Variants in PIGS observed in about 807,000 individuals in gnomAD.
The protein encoded by PIGS is phosphatidylinositol glycan anchor biosynthesis class S, also known as GPI-anchor transamidase component PIGS.
Under a neutral mutation model 58.2 loss-of-function variants are expected in PIGS, and 37 were observed. The ratio of observed to expected loss-of-function variants is 0.64; its 90% CI spans 0.49 to 0.84. PIGS has a LOEUF of 0.84. Ranked by LOEUF, PIGS falls within the 40% of genes least tolerant of loss-of-function variation. The pLI, the probability that PIGS is intolerant of heterozygous loss-of-function variation, is 0.00. For missense variants in PIGS, 629 were observed against 710.8 expected (o/e 0.88, Z 1.31); for synonymous variants, 269 against 289.2 (o/e 0.93, Z 0.71).
rs115136725 is a variant in PIGS, at chr17:28,563,454, C to T, written c.445G>A (p.Glu149Lys). 3.2e-5 allele frequency: 51 copies of T among 1,614,122 alleles called. No individual in the cohort carries two copies. The African/African-American group carries it at 6.5e-4, about 21-fold the overall frequency. ...ACCTGGGGAAGAAGTGAGGAGTGTT[C>T]AGATATCACGTACACAGTCAGGGAG... ...EGSLTVYVIS[E>K]HSSLLPQDMM... Residue 149 changes from glutamate (E) to lysine (K), a missense_variant, in exon 5 of 12, where the codon GAA becomes AAA. By Grantham distance (56) the Glu-to-Lys change is moderately conservative (BLOSUM62 1). Transcript: ENST00000308360.
intron 3 of PIGS, among the ~76,000 whole-genome samples, chr17:28,564,973 T>C (rs1311523876): frequency 6.6e-6 from 1 of 152,258 alleles, no homozygotes. Flanking sequence ...TGCTATCTCC[T>C]CTATTCTCAT....
chr17:28,563,530 C>A lies in PIGS; in HGVS notation c.377-8G>T, dbSNP rs1240392907. ...CTAACATGGCTTCTGCCTCTGGGGG[C>A]AAGAACAGGTGGTACACCAAGAGCA... On this transcript the variant is annotated splice_region_variant and splice_polypyrimidine_tract_variant and intron_variant, in intron 4 of 11. Transcript: ENST00000308360. The A allele has an allele frequency of 1.2e-6, 2 of 1,612,862 alleles. No individual in the cohort carries two copies. Among genetic ancestry groups the A allele is most frequent in the African/African-American group, 1.3e-5 (1 of 74,872 alleles).
At position 28,563,450 on chromosome 17, in the gene PIGS, T is replaced by C. The variant is rs756456961; in HGVS notation, c.449A>G (p.His150Arg). 29 of 1,613,402 alleles carry C rather than the reference T, an allele frequency of 1.8e-5. No individual in the cohort carries two copies. The African/African-American group carries it at 2.4e-4, about 13-fold the overall frequency. The stretch of plus-strand genomic sequence containing the variant: ...CCTTACCTGGGGAAGAAGTGAGGAG[T>C]GTTCAGATATCACGTACACAGTCAG... ...GSLTVYVISE[H>R]SSLLPQDMMS... The change falls in exon 5 of 12, where the codon CAC becomes CGC. Residue 150 changes from histidine to arginine, a missense_variant. His to Arg is a conservative substitution (Grantham distance 29). Transcript: ENST00000308360.
Position 28,571,121 on chromosome 17 carries a change from G to T in PIGS, c.102C>A (p.Leu34=), listed in dbSNP as rs772310744. The T allele has an allele frequency of 6.2e-7, 1 of 1,613,984 alleles. No homozygotes were observed. The highest frequency in any genetic ancestry group is 1.7e-5 in the Admixed American group (1 of 60,028). ...GGTAGGTCTCCGTGGTCTTCCACCA[G>T]AGCGGTAGCCCCAGCACGATGGCCA... ...AAVAIVLGLP[L]WWKTTETYRA... The change falls in exon 2 of 12, where the codon CTC becomes CTA. Residue 34 remains leucine (L), a synonymous_variant. Coordinates refer to ENST00000308360, the MANE Select transcript of PIGS (RefSeq NM_033198.4).
rs2070327141 is a variant in PIGS, at chr17:28,556,250, G to T, written c.1097C>A (p.Ser366Tyr). The change falls in exon 10 of 12, where the codon TCC (serine) becomes TAC (tyrosine). Residue 366 changes from serine to tyrosine, a missense_variant. Transcript: ENST00000308360. The stretch of plus-strand genomic sequence containing the variant: ...CAGCACTGAGGCATTATAGGTTTTG[G>T]AGTCAACATTATATACCTGAAAGGG... The part of the protein sequence containing the change: ...WGGIMVYNVD[S>Y]KTYNASVLPV... 1.2e-6 allele frequency: 2 copies of T among 1,611,538 alleles called. No homozygotes were observed. The highest frequency in any genetic ancestry group is 1.7e-6 in the Non-Finnish European group (2 of 1,177,750).
chr17:28,565,847 T>C (rs1234900174), intron 3 of PIGS, among the ~76,000 whole-genome samples: 1 of 152,128 alleles, frequency 6.6e-6, no homozygotes, highest in Non-Finnish European at 1.5e-5. Context: ...CTGGCCACCA[T>C]GGTGAAACCC....
At chr17:28,557,625 C>T (rs772260762) in intron 8 of PIGS, 1 of 152,376 alleles carries the variant, frequency 6.6e-6, no homozygotes, top group Non-Finnish European at 1.5e-5. Context: ...TCTAAGGCCT[C>T]ACATGCCACC....
At chr17:28,558,439 T>C in intron 8 of PIGS, 37 bp downstream of exon 8, 2 of 1,530,244 alleles carry the variant, frequency 1.3e-6, no homozygotes, top group Non-Finnish European at 9.0e-7. Flanking sequence ...CTCCCTAGCC[T>C]GGCAGAAAAG....
chr17:28,553,818 C>G lies in PIGS; in HGVS notation c.*402G>C, dbSNP rs566720115. On this transcript the variant is annotated 3_prime_UTR_variant, in exon 12 of 12. Transcript: ENST00000308360. ...CCCTTCATGACAGCAGGGGCTAGGG[C>G]TGTCCCACAGGGACTAGAGAGAGGT... is the stretch of plus-strand genomic sequence containing the variant. 4.5e-6 allele frequency: 1 copy of G among 224,186 alleles called. No individual in the cohort carries two copies. Among genetic ancestry groups the G allele is most frequent in the African/African-American group, 2.3e-5 (1 of 43,322 alleles). The allele number at this position is 224,186 out of a possible 1,614,324, so 13.9% of individuals were successfully genotyped here.
Position 28,554,030 on chromosome 17 carries a change from C to A in PIGS, c.*190G>T. On this transcript the variant is annotated 3_prime_UTR_variant, in exon 12 of 12. Coordinates refer to ENST00000308360, the MANE Select transcript of PIGS (RefSeq NM_033198.4). ...CCCCTGGTGGTGGAGGAGGATTGAG[C>A]CAGGTGAATGGGAAAGGAAGAAAAG... 1.4e-6 allele frequency: 1 copy of A among 700,030 alleles called. No homozygotes were observed. Among genetic ancestry groups the A allele is most frequent in the East Asian group, 2.8e-5 (1 of 35,764 alleles). The allele number at this position is 700,030 out of a possible 1,614,324, so 43.4% of individuals were successfully genotyped here.
intron 9 of PIGS, 118 bp from the exon 10 acceptor site, chr17:28,556,384 A>C: frequency 2.6e-5 from 21 of 800,526 alleles, no homozygotes; most frequent in Non-Finnish European, 4.3e-5. Context: ...TATAAACCTC[A>C]TGGTATAGCT....
chr17:28,567,414 G>A (rs1265470883), intron 3 of PIGS, among the ~76,000 whole-genome samples: 1 of 152,096 alleles, frequency 6.6e-6, no homozygotes, highest in African/African-American at 2.4e-5. Flanking sequence ...TAAAACAAAT[G>A]ACCTGGTTTC....
In PIGS at chr17:28,570,835, G is replaced by A. The variant is rs555110337; in HGVS notation, c.286+17C>T. 2 of 1,613,180 alleles carry A rather than the reference G, an allele frequency of 1.2e-6. No individual in the cohort carries two copies. Among genetic ancestry groups the A allele is most frequent in the African/African-American group, 1.3e-5 (1 of 75,022 alleles). On this transcript the variant is annotated intron_variant, in intron 3 of 11. Transcript: ENST00000308360. ...GAGCTCAGAGGCGAAAAGCAGCCCT[G>A]ATCCCCAGTAACTCACATTTCAGAG... is the stretch of plus-strand genomic sequence containing the variant.
chr17:28,563,325 C>T, intron 5 of PIGS, 106 bp downstream of exon 5: 3 of 1,006,466 alleles, frequency 3.0e-6, no homozygotes, highest in Non-Finnish European at 3.0e-6. Flanking sequence ...GGAGAGTTTT[C>T]TGTAGCAAAT....
At position 28,556,176 on chromosome 17, in the gene PIGS, C is replaced by G. The variant is rs770193666; in HGVS notation, c.1171G>C (p.Ala391Pro). The change falls in exon 10 of 12, where the codon GCA becomes CCA. Residue 391 changes from alanine (A) to proline (P), a missense_variant. By Grantham distance (27) the Ala-to-Pro change is conservative. Coordinates refer to ENST00000308360, the MANE Select transcript of PIGS (RefSeq NM_033198.4). ...CATCCAGGACCTCACCGCAACTGTG[C>G]CAGGAACACCTCCATCACTCGCACC... The part of the protein sequence containing the change: ...DMVRVMEVFL[A>P]QLRLLFGIAQ... 2 of 1,613,094 alleles carry G rather than the reference C, an allele frequency of 1.2e-6. No individual in the cohort carries two copies. Among genetic ancestry groups the G allele is most frequent in the African/African-American group, 2.7e-5 (2 of 74,864 alleles).
chr17:28,563,724 T>C, intron 4 of PIGS, 94 bp downstream of exon 4: 1 of 1,392,636 alleles, frequency 7.2e-7, no homozygotes, highest in South Asian at 1.2e-5. Context: ...AGAGAGGTTT[T>C]GGAAGTAAGC....
intron 1 of PIGS, 21 bp downstream of exon 1, chr17:28,571,442 C>A: frequency 6.2e-7 from 1 of 1,609,488 alleles, no homozygotes; most frequent in East Asian, 2.2e-5. Flanking sequence ...CTGCAGGCCC[C>A]CCACCCGAAG....
In PIGS at chr17:28,554,974, T is replaced by G. The variant is rs368504220; in HGVS notation, c.1269A>C (p.Leu423=). 4.3e-6 allele frequency: 7 copies of G among 1,611,638 alleles called. No individual in the cohort carries two copies. The highest frequency in any genetic ancestry group is 5.9e-6 in the Non-Finnish European group (7 of 1,178,668). ...CTGACCGAGCCCAGAGCAGCCGGTC[T>G]AGCTCCCAGGTCATTAGCCCTTCAC... The part of the protein sequence containing the change: ...PTSEGLMTWE[L]DRLLWARSVE... The change falls in exon 11 of 12, where the codon CTA becomes CTC. Residue 423 remains leucine, a synonymous_variant. Coordinates refer to ENST00000308360, the MANE Select transcript of PIGS (RefSeq NM_033198.4).
intron 3 of PIGS, among the ~76,000 whole-genome samples, chr17:28,568,179 T>C (rs1049326378): frequency 6.6e-6 from 1 of 152,098 alleles, no homozygotes; most frequent in Admixed American, 6.6e-5. Context: ...CTTGGCTCAC[T>C]GCAACTTCCA....
Sources: gnomAD v4.1 joint callset for allele counts (sites outside exome capture counted in the v4.1 genomes callset) on GRCh38, gnomAD v4.1.1 for gene constraint, MANE v1.5 for transcripts, NCBI Gene and HGNC (gene_info 2026-07-23, HGNC 2026-07-21) for gene names.